TNFSF8: variants seen among roughly 807,000 people sequenced by gnomAD.
TNFSF8 encodes the protein TNF superfamily member 8, also known as tumor necrosis factor ligand superfamily member 8.
A neutral mutation model predicts 22.0 loss-of-function variants in TNFSF8; 4 were observed. The observed-to-expected ratio is 0.18, with a 90% confidence interval of 0.09 to 0.42. The LOEUF (loss-of-function observed/expected upper bound fraction) is 0.42. Among genes scored for constraint, TNFSF8 ranks in the 10% least tolerant of loss-of-function variants. The pLI is 1.00. For synonymous variants in TNFSF8, 106 were observed against 112.5 expected (o/e 0.94, Z 0.37); for missense variants, 233 against 281.8 (o/e 0.83, Z 1.24).
intron 1 of TNFSF8, among the ~76,000 whole-genome samples, chr9:114,922,901 T>A (rs1828006453): frequency 6.6e-6 from 1 of 152,082 alleles, no homozygotes; most frequent in Admixed American, 6.5e-5. Context: ...TTGATGAGCA[T>A]CCAGGTGATG....
intron 1 of TNFSF8, among the ~76,000 whole-genome samples, chr9:114,918,528 C>T (rs1827948107): frequency 6.6e-6 from 1 of 151,856 alleles, no homozygotes; most frequent in Non-Finnish European, 1.5e-5. Context: ...TGGGTCACTG[C>T]AGCTTCATCC....
At chr9:114,917,544 A>G (rs1426603021) in intron 2 of TNFSF8, among the ~76,000 whole-genome samples, 2 of 152,316 alleles carry the variant, frequency 1.3e-5, no homozygotes, top group African/African-American at 4.8e-5. Context: ...AGTGACTTCA[A>G]TGATTGGAAA....
Position 114,902,355 on chromosome 9 carries a change from A to C in TNFSF8, c.*1576T>G. 2 of 985,448 alleles carry C rather than the reference A, an allele frequency of 2.0e-6. No individual in the cohort carries two copies. The highest frequency in any genetic ancestry group is 5.2e-4 in the Middle Eastern group (1 of 1,914). The allele number at this position is 985,448 out of a possible 1,614,324, so 61.0% of individuals were successfully genotyped here. On this transcript the variant is annotated 3_prime_UTR_variant, in exon 4 of 4. Coordinates refer to ENST00000223795, the MANE Select transcript of TNFSF8 (RefSeq NM_001244.4). ...ATATTATGCAGGGGATGGAGCAGCC[A>C]TTCCCTGGCTAGATGACCACATCAC... is the stretch of plus-strand genomic sequence containing the variant.
chr9:114,905,208 T>C (rs1416214114), intron 3 of TNFSF8, among the ~76,000 whole-genome samples: 1 of 152,194 alleles, frequency 6.6e-6, no homozygotes, highest in South Asian at 2.1e-4. Context: ...CTAATCTAAC[T>C]GCAAAATTGA....
chr9:114,930,235 C>T lies in TNFSF8; in HGVS notation c.69G>A (p.Pro23=). ...CCAGGTGGCTGGCCACGGAGCCCGC[C>T]GGCACATGCATGGCTGTGTCTCCAG... is the stretch of plus-strand genomic sequence containing the variant. ...APPGDTAMHV[P]AGSVASHLGT... The change falls in exon 1 of 4, where the codon CCG becomes CCA. Residue 23 remains proline (P), a synonymous_variant. Transcript: ENST00000223795. 5 of 1,607,548 alleles carry T rather than the reference C, an allele frequency of 3.1e-6. No individual in the cohort carries two copies. The highest frequency in any genetic ancestry group is 1.1e-5 in the South Asian group (1 of 90,288).
chr9:114,901,021 T>C (rs1157891322), downstream of TNFSF8: 2 of 968,176 alleles, frequency 2.1e-6, no homozygotes, highest in East Asian at 2.4e-4. Flanking sequence ...CTACAAGTTC[T>C]GCAAGTACAC....
In TNFSF8 at chr9:114,902,913, C is replaced by T. The variant is rs76486122; in HGVS notation, c.*1018G>A. 5.1e-3 allele frequency: 1,378 copies of T among 272,158 alleles called. 26 individuals carry two copies. The East Asian group carries it at 0.067, about 13-fold the overall frequency. 16.9% of individuals were successfully genotyped at this position (272,158 alleles called of 1,614,324 possible). On this transcript the variant is annotated 3_prime_UTR_variant, in exon 4 of 4. Coordinates refer to ENST00000223795, the MANE Select transcript of TNFSF8 (RefSeq NM_001244.4). ...AAGTTTAATTTCTCATACCAGAAGC[C>T]GGGCTTAGTCACCCTTGATATGGGT...
chr9:114,926,317 C>T (rs1406760827), intron 1 of TNFSF8, among the ~76,000 whole-genome samples: 1 of 152,102 alleles, frequency 6.6e-6, no homozygotes, highest in East Asian at 1.9e-4. Context: ...GTAGTTCCAG[C>T]TACTCGGGAG....
chr9:114,926,777 A>T (rs1018257009), intron 1 of TNFSF8, among the ~76,000 whole-genome samples: 3 of 152,098 alleles, frequency 2.0e-5, no homozygotes, highest in African/African-American at 7.2e-5. Context: ...GGAAGGACAC[A>T]CAAGAATCTG....
At chr9:114,916,852 C>T (rs370751439) in intron 2 of TNFSF8, among the ~76,000 whole-genome samples, 7 of 152,156 alleles carry the variant, frequency 4.6e-5, no homozygotes, top group Admixed American at 2.0e-4. Context: ...TCTGGCCCTT[C>T]GTAGAAAAAG....
downstream of TNFSF8, among the ~76,000 whole-genome samples, chr9:114,898,318 G>A (rs1367917712): frequency 3.3e-5 from 5 of 152,212 alleles, no homozygotes; most frequent in South Asian, 2.1e-4. Context: ...TGCCTATTTC[G>A]TTGGATTGCT....
chr9:114,904,921 C>A (rs1275808600), intron 3 of TNFSF8, among the ~76,000 whole-genome samples: 1 of 152,140 alleles, frequency 6.6e-6, no homozygotes, highest in Non-Finnish European at 1.5e-5. Flanking sequence ...TTTTGAATGC[C>A]TTTTTCCCTT....
At chr9:114,916,680 T>A (rs1827923102) in intron 2 of TNFSF8, among the ~76,000 whole-genome samples, 2 of 152,326 alleles carry the variant, frequency 1.3e-5, no homozygotes, top group South Asian at 2.1e-4. Flanking sequence ...CTCCAATTCA[T>A]AAGCCAAATC....
chr9:114,909,046 A>C (rs1199100762), intron 2 of TNFSF8, among the ~76,000 whole-genome samples: 1 of 152,162 alleles, frequency 6.6e-6, no homozygotes, highest in African/African-American at 2.4e-5. Context: ...CACTAAAAAC[A>C]CCTATGTCAC....
At chr9:114,923,394 A>T (rs1376691218) in intron 1 of TNFSF8, among the ~76,000 whole-genome samples, 1 of 152,188 alleles carries the variant, frequency 6.6e-6, no homozygotes, top group East Asian at 1.9e-4. Context: ...TCAGACAAGG[A>T]TCATTAAGAA....
At position 114,903,829 on chromosome 9, in the gene TNFSF8, A is replaced by G. The variant is rs1827748996; in HGVS notation, c.*102T>C. ...AAGTATACTATTTAATACCCTGTGT[A>G]GTTTGTCTTGGTCTAAAGTTTTCTT... On this transcript the variant is annotated 3_prime_UTR_variant, in exon 4 of 4. Coordinates refer to ENST00000223795, the MANE Select transcript of TNFSF8 (RefSeq NM_001244.4). 5 of 1,510,802 alleles carry G rather than the reference A, an allele frequency of 3.3e-6. No homozygotes were observed. Among genetic ancestry groups the G allele is most frequent in the Admixed American group, 2.3e-5 (1 of 43,860 alleles). The allele number at this position is 1,510,802 out of a possible 1,614,324, so 93.6% of individuals were successfully genotyped here.
At chr9:114,910,545 G>A (rs947017362) in intron 2 of TNFSF8, among the ~76,000 whole-genome samples, 1 of 152,192 alleles carries the variant, frequency 6.6e-6, no homozygotes, top group Non-Finnish European at 1.5e-5. Context: ...AATGCAGGAA[G>A]AAGTGGGTTT....
chr9:114,901,031 C>G, downstream of TNFSF8: 2 of 935,678 alleles, frequency 2.1e-6, no homozygotes, highest in Non-Finnish European at 2.5e-6. Context: ...TGCAAGTACA[C>G]TGAGTGTGTG....
rs559842315 is a variant in TNFSF8 at position 114,913,764 on chromosome 9, C to T, written c.238+4332G>A. Among the ~76,000 whole-genome samples, 9 of 152,310 alleles carry T rather than the reference C, an allele frequency of 5.9e-5. No homozygotes were observed. The South Asian group carries it at 8.3e-4, about 14-fold the overall frequency. On this transcript the variant is annotated intron_variant, in intron 2 of 3. Coordinates refer to ENST00000223795, the MANE Select transcript of TNFSF8 (RefSeq NM_001244.4). ...GCCTGTCTGTGCTCCAGTTTCCTTACCTATAAAATGGGGCTAATTATGATT... is the reference window on the plus strand; with the variant it reads ...GCCTGTCTGTGCTCCAGTTTCCTTATCTATAAAATGGGGCTAATTATGATT...
Sources: gnomAD v4.1 joint callset for allele counts (sites outside exome capture counted in the v4.1 genomes callset) on GRCh38, gnomAD v4.1.1 for gene constraint, MANE v1.5 for transcripts, NCBI Gene and HGNC (gene_info 2026-07-23, HGNC 2026-07-21) for gene names.